STK33: variants seen among roughly 807,000 people sequenced by gnomAD.
STK33 encodes serine/threonine-protein kinase 33.
Under a neutral mutation model 58.0 loss-of-function variants are expected in STK33, and 52 were observed. That is an observed-to-expected ratio of 0.90 (90% CI 0.72 to 1.13). The LOEUF (loss-of-function observed/expected upper bound fraction) is 1.13, where lower values mean the gene tolerates loss of function less well. Ranked by LOEUF, STK33 falls within the 50% of genes most tolerant of loss-of-function variation. The pLI is 0.00. For synonymous variants in STK33, 215 were observed against 200.1 expected (o/e 1.07, Z -0.63); for missense variants, 630 against 604.2 (o/e 1.04, Z -0.45).
At chr11:8,458,768 GT>G (rs1418117772) in intron 8 of STK33, among the ~76,000 whole-genome samples, 11 of 152,076 alleles carry the variant, frequency 7.2e-5, no homozygotes, top group Non-Finnish European at 1.3e-4. Flanking sequence ...CAAACACAGG[GT>G]ACCCTTTATG....
At chr11:8,530,724 C>G (rs1954463891) in intron 1 of STK33, among the ~76,000 whole-genome samples, 1 of 152,166 alleles carries the variant, frequency 6.6e-6, no homozygotes, top group South Asian at 2.1e-4. Context: ...GACTCTTGCT[C>G]TGTCGCCCAG....
chr11:8,392,825 T>C (rs963584317), intron 15 of STK33, 115 bp from the exon 16 acceptor site: 16 of 949,572 alleles, frequency 1.7e-5, no homozygotes, highest in Middle Eastern at 3.2e-4. Flanking sequence ...TCTCTAGATA[T>C]AGGGTCCAAA....
At position 8,468,056 on chromosome 11, in the gene STK33, G is replaced by A. The variant is rs367791285; in HGVS notation, c.340-3234C>T. ...TCACACTGCTGATAAAGACATACCCGAGACTGGGCAATTTACAAAATAAAG... is the reference window on the plus strand; with the variant it reads ...TCACACTGCTGATAAAGACATACCCAAGACTGGGCAATTTACAAAATAAAG... On this transcript the variant is annotated intron_variant, in intron 6 of 15. Transcript: ENST00000687296. 6.2e-4 allele frequency among the ~76,000 whole-genome samples: 94 copies of A among 152,180 alleles called. 1 individual carries two copies. In the South Asian group the frequency reaches 0.019, roughly 31 times the overall value.
chr11:8,444,394 T>C (rs726008), intron 11 of STK33, among the ~76,000 whole-genome samples: 12,142 of 152,186 alleles, frequency 0.08, 1,077 homozygotes, highest in African/African-American at 0.22. Context: ...ATAAAAATCT[T>C]GTTTAATGTT....
the STK33 span, among the ~76,000 whole-genome samples, chr11:8,381,425 T>A: frequency 6.6e-6 from 1 of 152,188 alleles, no homozygotes; most frequent in Admixed American, 6.5e-5. Context: ...GGGCTCCTGC[T>A]GTTGACCCAC....
At chr11:8,366,737 G>T in the STK33 span, among the ~76,000 whole-genome samples, 1 of 152,210 alleles carries the variant, frequency 6.6e-6, no homozygotes, top group Non-Finnish European at 1.5e-5. Context: ...TCCACCTTGG[G>T]GTGGCCATAC....
intron 1 of STK33, among the ~76,000 whole-genome samples, chr11:8,562,577 C>T (rs1957186267): frequency 6.6e-6 from 1 of 152,032 alleles, no homozygotes; most frequent in African/African-American, 2.4e-5. Context: ...GATTCTAGTC[C>T]ATAGCTAGGA....
In STK33 at chr11:8,468,719, A is replaced by C. The variant is rs926311965; in HGVS notation, c.340-3897T>G. 3.9e-5 allele frequency among the ~76,000 whole-genome samples: 6 copies of C among 152,332 alleles called. No individual in the cohort carries two copies. The East Asian group carries it at 1.2e-3, about 29-fold the overall frequency. On this transcript the variant is annotated intron_variant, in intron 6 of 15. Transcript: ENST00000687296. ...ATACCACTTAATAGCACATAATAGA[A>C]TTAAAGTCAGAAAACTTAATTATAA...
rs138381580 is a variant in STK33, at chr11:8,570,903, C to T, written c.-466+23180G>A. On this transcript the variant is annotated intron_variant, in intron 1 of 15. Transcript: ENST00000687296. ...AAAAGCTGTTACACACACACACAGA[C>T]ACAGAGGACAGTTCTGCTTCTGATC... Among the ~76,000 whole-genome samples the T allele has an allele frequency of 3.6e-4, 55 of 152,292 alleles. 1 individual carries two copies. The highest frequency in any genetic ancestry group is 1.3e-3 in the African/African-American group (52 of 41,542).
intron 1 of STK33, among the ~76,000 whole-genome samples, chr11:8,485,801 A>G (rs1950156798): frequency 1.3e-5 from 2 of 152,336 alleles, no homozygotes; most frequent in South Asian, 4.1e-4. Flanking sequence ...TTTTCAAAGA[A>G]AACTACAAAA....
intron 15 of STK33, among the ~76,000 whole-genome samples, chr11:8,406,017 C>A (rs1008145290): frequency 2.0e-5 from 3 of 151,962 alleles, no homozygotes; most frequent in Non-Finnish European, 2.9e-5. Context: ...GTGGCGGGTG[C>A]CTGTAGTCCC....
chr11:8,583,920 C>T (rs1372570171), intron 1 of STK33, among the ~76,000 whole-genome samples: 1 of 151,940 alleles, frequency 6.6e-6, no homozygotes, highest in Non-Finnish European at 1.5e-5. Flanking sequence ...TAAGGAATGG[C>T]TTATTAATAA....
chr11:8,438,951 CT>C (rs112954397), intron 12 of STK33, among the ~76,000 whole-genome samples: 110 of 152,310 alleles, frequency 7.2e-4, no homozygotes, highest in African/African-American at 2.6e-3. Flanking sequence ...TGAGTTACAG[CT>C]ACAATCACAT....
At chr11:8,440,879 A>G (rs183247752) in intron 11 of STK33, 126 bp from the exon 12 acceptor site, 3 of 885,630 alleles carry the variant, frequency 3.4e-6, no homozygotes, top group Non-Finnish European at 5.1e-6. Flanking sequence ...AAGAGAACCA[A>G]CAGCAGATCT....
the STK33 span, among the ~76,000 whole-genome samples, chr11:8,338,086 C>T: frequency 6.6e-6 from 1 of 152,202 alleles, no homozygotes; most frequent in Non-Finnish European, 1.5e-5. Flanking sequence ...GGGCTTCTGC[C>T]CCTTTTGTTC....
chr11:8,562,316 T>C (rs543393783), intron 1 of STK33, among the ~76,000 whole-genome samples: 147 of 152,270 alleles, frequency 9.7e-4, no homozygotes, highest in African/African-American at 3.5e-3. Context: ...AATCAAAAGA[T>C]ACTGTCCTCT....
At chr11:8,435,891 T>C (rs1944003240) in intron 13 of STK33, 136 bp downstream of exon 13, 2 of 503,566 alleles carry the variant, frequency 4.0e-6, no homozygotes, top group East Asian at 3.3e-5. Context: ...GATATCGCTA[T>C]TTCCACAAGT....
chr11:8,489,272 GAA>G (rs60919146), intron 1 of STK33, among the ~76,000 whole-genome samples: 1 of 126,594 alleles, frequency 7.9e-6, no homozygotes, highest in East Asian at 2.3e-4. Flanking sequence ...AAAAAAAAAA[GAA>G]AAAAAAAAAG....
At chr11:8,449,780 AAAAG>A (rs376246030) in intron 11 of STK33, among the ~76,000 whole-genome samples, 49 of 152,260 alleles carry the variant, frequency 3.2e-4, no homozygotes, top group African/African-American at 9.9e-4. Context: ...AAAGTATAAT[AAAAG>A]AAAGAAAGAA....
Sources: allele counts gnomAD v4.1 joint callset (sites outside exome capture counted in the v4.1 genomes callset), GRCh38; gene constraint gnomAD v4.1.1; transcripts MANE v1.5; gene names NCBI Gene and HGNC (gene_info 2026-07-23, HGNC 2026-07-21).